Variants in RRAGD observed in about 807,000 individuals in gnomAD.
RRAGD encodes Ras related GTP binding D.
RRAGD carries 12 observed loss-of-function variants against 35.5 expected under a neutral mutation model. The observed-to-expected ratio is 0.34, with a 90% CI of 0.22 to 0.55. The LOEUF is 0.55. Among genes scored for constraint, RRAGD ranks in the 20% least tolerant of loss-of-function variants. RRAGD has a pLI of 0.91. For synonymous variants in RRAGD, 155 were observed against 178.9 expected (o/e 0.87, Z 1.07); for missense variants, 324 against 490.1 (o/e 0.66, Z 3.20).
intron 4 of RRAGD, 88 bp from the exon 5 acceptor site, chr6:89,377,901 G>C: frequency 1.0e-6 from 1 of 971,960 alleles, no homozygotes; most frequent in Non-Finnish European, 1.5e-6. Context: ...CATTCTTAAT[G>C]TAAAATACAA....
chr6:89,365,663 C>T lies in RRAGD; in HGVS notation c.*2393G>A, dbSNP rs1049088272. The T allele has an allele frequency of 3.3e-5, 5 of 152,166 alleles. No homozygotes were observed. Among genetic ancestry groups the T allele is most frequent in the African/African-American group, 1.2e-4 (5 of 41,430 alleles). The allele number at this position is 152,166 out of a possible 1,614,324, so 9.4% of individuals were successfully genotyped here. A position where few individuals can be genotyped will look rare whatever the true frequency, so the allele number is the denominator to read the frequency against. On this transcript the variant is annotated 3_prime_UTR_variant, in exon 7 of 7. Transcript: ENST00000369415. ...GTACACTTACTACCATGAACTTGGG[C>T]CCTATGTCATAGAATTATTTTTGCC...
At chr6:89,384,717 A>G (rs1226693906) in intron 2 of RRAGD, among the ~76,000 whole-genome samples, 1 of 151,234 alleles carries the variant, frequency 6.6e-6, no homozygotes, top group South Asian at 2.1e-4. Flanking sequence ...CGGGAGGCTG[A>G]GGCAGGAAAA....
At chr6:89,405,548 G>A (rs535590134) in intron 1 of RRAGD, among the ~76,000 whole-genome samples, 2 of 151,630 alleles carry the variant, frequency 1.3e-5, no homozygotes, top group South Asian at 2.1e-4. Context: ...GCATACACAC[G>A]GACACACACA....
At chr6:89,387,619 G>A (rs1769158863) in intron 1 of RRAGD, 29 bp from the exon 2 acceptor site, 12 of 1,589,252 alleles carry the variant, frequency 7.6e-6, no homozygotes, top group Non-Finnish European at 8.6e-6. Context: ...GAGAATGAAG[G>A]TGAGATGCTT....
At chr6:89,390,058 G>A (rs911994403) in intron 1 of RRAGD, among the ~76,000 whole-genome samples, 2 of 152,146 alleles carry the variant, frequency 1.3e-5, no homozygotes, top group Admixed American at 1.3e-4. Context: ...AAGTTGAAGA[G>A]CTAAAACTAT....
intron 2 of RRAGD, among the ~76,000 whole-genome samples, chr6:89,382,406 T>TATATATATATAC (rs1272576576): frequency 6.8e-6 from 1 of 146,222 alleles, no homozygotes; most frequent in Non-Finnish European, 1.5e-5. Flanking sequence ...TAGAAATATA[T>TATATATATATAC]ATATATATAT....
At chr6:89,387,666 C>T (rs1452402180) in intron 1 of RRAGD, 76 bp from the exon 2 acceptor site, 2 of 1,324,886 alleles carry the variant, frequency 1.5e-6, no homozygotes, top group Non-Finnish European at 1.0e-6. Flanking sequence ...ACTTCCACCT[C>T]AAATGTGATT....
intron 1 of RRAGD, among the ~76,000 whole-genome samples, chr6:89,388,840 G>C (rs1769181005): frequency 6.6e-6 from 1 of 152,204 alleles, no homozygotes; most frequent in Non-Finnish European, 1.5e-5. Context: ...AGTCCCATGT[G>C]GGGTTGATGG....
intron 2 of RRAGD, 30 bp downstream of exon 2, chr6:89,387,265 C>T (rs755858179): frequency 6.3e-7 from 1 of 1,598,370 alleles, no homozygotes; most frequent in Admixed American, 1.7e-5. Context: ...ACCGGCCAGG[C>T]CATCATACCC....
At chr6:89,372,867 T>C (rs1312159879) in intron 5 of RRAGD, among the ~76,000 whole-genome samples, 1 of 152,196 alleles carries the variant, frequency 6.6e-6, no homozygotes, top group Non-Finnish European at 1.5e-5. Flanking sequence ...TCTCCCCACC[T>C]CCGTGGCCAA....
intron 1 of RRAGD, among the ~76,000 whole-genome samples, chr6:89,390,017 A>T (rs932019322): frequency 6.6e-6 from 1 of 152,262 alleles, no homozygotes; most frequent in African/African-American, 2.4e-5. Flanking sequence ...CATACCATAT[A>T]CAAAAATTAA....
intron 2 of RRAGD, among the ~76,000 whole-genome samples, chr6:89,386,783 T>G (rs1041548535): frequency 6.6e-6 from 1 of 152,188 alleles, no homozygotes; most frequent in Non-Finnish European, 1.5e-5. Context: ...AATATCCATC[T>G]TCTAAAGAGG....
At position 89,377,115 on chromosome 6, in the gene RRAGD, C is replaced by T. The variant is rs551188510; in HGVS notation, c.902+556G>A. ...TCACTTTATTGTTAAGAATACAGTG[C>T]GTAATACATAACATACAAAATGTGT... On this transcript the variant is annotated intron_variant, in intron 5 of 6. Transcript: ENST00000369415. Among the ~76,000 whole-genome samples, 48 of 152,156 alleles carry T rather than the reference C, an allele frequency of 3.2e-4. No homozygotes were observed. In the South Asian group the frequency reaches 6.2e-3, roughly 20 times the overall value.
At chr6:89,389,134 G>A (rs1769187267) in intron 1 of RRAGD, among the ~76,000 whole-genome samples, 1 of 152,140 alleles carries the variant, frequency 6.6e-6, no homozygotes, top group South Asian at 2.1e-4. Context: ...GGGGATCCCT[G>A]ACATAGAACA....
chr6:89,404,934 T>C (rs1769547983), intron 1 of RRAGD, among the ~76,000 whole-genome samples: 4 of 152,188 alleles, frequency 2.6e-5, no homozygotes, highest in Admixed American at 6.5e-5. Context: ...AAGAATGAGA[T>C]ATCATATGAA....
intron 1 of RRAGD, among the ~76,000 whole-genome samples, chr6:89,398,321 A>G (rs199634390): frequency 6.6e-6 from 1 of 152,184 alleles, no homozygotes; most frequent in Non-Finnish European, 1.5e-5. Context: ...TGTTATGTCA[A>G]TTAATTGTTG....
intron 1 of RRAGD, among the ~76,000 whole-genome samples, chr6:89,404,862 T>C (rs1769546442): frequency 6.6e-6 from 1 of 152,160 alleles, no homozygotes; most frequent in Non-Finnish European, 1.5e-5. Context: ...AAGCCAATGT[T>C]CACCTCCTTA....
At chr6:89,395,895 G>C (rs745973453) in intron 1 of RRAGD, among the ~76,000 whole-genome samples, 1 of 151,410 alleles carries the variant, frequency 6.6e-6, no homozygotes, top group Non-Finnish European at 1.5e-5. Flanking sequence ...TCACCAAGAG[G>C]TAAAGCCACC....
chr6:89,393,063 T>C (rs2127893290), intron 1 of RRAGD, among the ~76,000 whole-genome samples: 1 of 152,288 alleles, frequency 6.6e-6, no homozygotes, highest in East Asian at 1.9e-4. Flanking sequence ...GAACTGAAAA[T>C]GAAACAGGAC....
Sources: allele counts gnomAD v4.1 joint callset (sites outside exome capture counted in the v4.1 genomes callset), GRCh38; gene constraint gnomAD v4.1.1; transcripts MANE v1.5; gene names NCBI Gene and HGNC (gene_info 2026-07-23, HGNC 2026-07-21).